COL14A1: variants seen among roughly 807,000 people sequenced by gnomAD.
COL14A1 encodes collagen type XIV alpha 1 chain.
A neutral mutation model predicts 230.3 loss-of-function variants in COL14A1; 136 were observed. That is an observed-to-expected ratio of 0.59 (90% CI 0.51 to 0.68). The LOEUF (loss-of-function observed/expected upper bound fraction) is 0.68, where lower values mean the gene tolerates loss of function less well. COL14A1 is among the 30% of genes least tolerant of loss of function. The pLI, the probability that COL14A1 is intolerant of heterozygous loss-of-function variation, is 0.00. For missense variants in COL14A1, 1,976 were observed against 2,215.8 expected (o/e 0.89, Z 2.17); for synonymous variants, 792 against 784.1 (o/e 1.01, Z -0.17).
At chr8:120,319,343 T>A (rs767536031) in intron 40 of COL14A1, among the ~76,000 whole-genome samples, 1 of 151,868 alleles carries the variant, frequency 6.6e-6, no homozygotes, top group Non-Finnish European at 1.5e-5. Flanking sequence ...TTTATTTATT[T>A]ATTTATTTTT....
intron 13 of COL14A1, among the ~76,000 whole-genome samples, chr8:120,214,550 C>T (rs1040579600): frequency 6.6e-6 from 1 of 152,100 alleles, no homozygotes; most frequent in African/African-American, 2.4e-5. Context: ...ATGCCAATAC[C>T]TCTTTAAATA....
chr8:120,229,469 C>T (rs575827338), intron 18 of COL14A1, among the ~76,000 whole-genome samples: 5 of 152,130 alleles, frequency 3.3e-5, no homozygotes, highest in Admixed American at 3.3e-4. Context: ...GCATAGTATT[C>T]CATGGTGTAT....
chr8:120,268,119 CT>C (rs564245015), intron 25 of COL14A1, among the ~76,000 whole-genome samples: 318 of 151,906 alleles, frequency 2.1e-3, no homozygotes, highest in African/African-American at 7.0e-3. Context: ...CATGCAGAGT[CT>C]TCACAAATCA....
intron 45 of COL14A1, among the ~76,000 whole-genome samples, chr8:120,357,862 T>G (rs1823040304): frequency 6.6e-6 from 1 of 152,202 alleles, no homozygotes; most frequent in Non-Finnish European, 1.5e-5. Context: ...TGTGGGCACC[T>G]TTAAAAACAG....
rs192177190 is a variant in COL14A1 at position 120,354,480 on chromosome 8, A to G, written c.5077+8917A>G. 3.2e-3 allele frequency among the ~76,000 whole-genome samples: 486 copies of G among 151,766 alleles called. 2 individuals carry two copies. Among genetic ancestry groups the G allele is most frequent in the African/African-American group, 0.011 (467 of 41,362 alleles). Reference sequence around the variant, plus strand: ...GTCAGAGAAATGGCAAAGAATATGCATTTTTAGAGAGCAGAAGAAAAATTA... The same window carrying G: ...GTCAGAGAAATGGCAAAGAATATGCGTTTTTAGAGAGCAGAAGAAAAATTA... On this transcript the variant is annotated intron_variant, in intron 45 of 47. Transcript: ENST00000297848.
chr8:120,279,893 A>G, intron 28 of COL14A1, 42 bp from the exon 29 acceptor site: 1 of 1,599,110 alleles, frequency 6.3e-7, no homozygotes, highest in South Asian at 1.1e-5. Context: ...TGTGTTTTGT[A>G]CAATTTAAAG....
chr8:120,163,869 C>T (rs771827684), intron 4 of COL14A1, among the ~76,000 whole-genome samples: 1 of 151,914 alleles, frequency 6.6e-6, no homozygotes, highest in Non-Finnish European at 1.5e-5. Context: ...AACAAATGTA[C>T]GCCACATGCC....
chr8:120,157,438 CAGTAG>C (rs887241975), intron 2 of COL14A1, among the ~76,000 whole-genome samples: 10 of 152,086 alleles, frequency 6.6e-5, no homozygotes, highest in African/African-American at 1.4e-4. Flanking sequence ...CAACAGGTCT[CAGTAG>C]AGTAGATTAT....
chr8:120,144,667 G>A (rs867118098), intron 1 of COL14A1, among the ~76,000 whole-genome samples: 8 of 152,036 alleles, frequency 5.3e-5, no homozygotes, highest in Middle Eastern at 6.8e-3. Context: ...AAAACACGTC[G>A]ATTGCAAACA....
At chr8:120,147,249 C>A (rs1214011446) in intron 1 of COL14A1, among the ~76,000 whole-genome samples, 1 of 151,794 alleles carries the variant, frequency 6.6e-6, no homozygotes. Flanking sequence ...GTTTTAGATT[C>A]ACTTATATTA....
chr8:120,144,769 A>C (rs1815031504), intron 1 of COL14A1, among the ~76,000 whole-genome samples: 1 of 152,162 alleles, frequency 6.6e-6, no homozygotes, highest in Non-Finnish European at 1.5e-5. Flanking sequence ...TAATATATAA[A>C]ATCAATATCT....
intron 36 of COL14A1, among the ~76,000 whole-genome samples, chr8:120,303,820 C>T (rs1316514769): frequency 6.6e-6 from 1 of 152,098 alleles, no homozygotes; most frequent in Non-Finnish European, 1.5e-5. Context: ...ATGTTACCAG[C>T]TCTTCTTTGT....
intron 23 of COL14A1, among the ~76,000 whole-genome samples, chr8:120,255,579 A>G (rs1819119623): frequency 6.6e-6 from 1 of 152,192 alleles, no homozygotes. Flanking sequence ...GAGTATAGCC[A>G]TAGTGCTGAT....
intron 14 of COL14A1, among the ~76,000 whole-genome samples, chr8:120,219,189 T>C (rs1817854091): frequency 6.6e-6 from 1 of 152,108 alleles, no homozygotes; most frequent in Non-Finnish European, 1.5e-5. Flanking sequence ...TGATCGTGGC[T>C]CACTGCATCC....
At chr8:120,128,278 A>AT (rs1459588165) in intron 1 of COL14A1, among the ~76,000 whole-genome samples, 1 of 150,724 alleles carries the variant, frequency 6.6e-6, no homozygotes, top group Non-Finnish European at 1.5e-5. Context: ...ATGTTGGCAT[A>AT]TTTTTTGAGT....
chr8:120,193,754 T>C (rs545191379), intron 5 of COL14A1, among the ~76,000 whole-genome samples: 2 of 152,324 alleles, frequency 1.3e-5, no homozygotes, highest in Admixed American at 6.5e-5. Context: ...TGGGCAATGG[T>C]GGGTGCCCCT....
rs749457790 is a variant in COL14A1 at position 120,332,717 on chromosome 8, A to C, written c.4767A>C (p.Gln1589His). 6.2e-7 allele frequency: 1 copy of C among 1,613,120 alleles called. No homozygotes were observed. ...VPGITGSMGP[Q>H]GALGPPGVPG... ...GGATCACAGGAAGCATGGGACCGCA[A>C]GGCGCCCTGGGACCACCTGTGAGTA... The change falls in exon 42 of 48, where the codon CAA becomes CAC. Residue 1589 changes from glutamine (Q) to histidine (H), a missense_variant. This residue lies in a region of COL14A1 where 1,791 missense variants were observed against 2,019.5 expected (regional missense o/e 0.89). Coordinates refer to ENST00000297848, the MANE Select transcript of COL14A1 (RefSeq NM_021110.4).
intron 1 of COL14A1, among the ~76,000 whole-genome samples, chr8:120,132,844 C>T (rs1306289904): frequency 6.6e-6 from 1 of 152,102 alleles, no homozygotes; most frequent in Non-Finnish European, 1.5e-5. Flanking sequence ...AAAGTAACCT[C>T]TCCAAGAGTA....
At position 120,316,017 on chromosome 8, in the gene COL14A1, T is replaced by C. The variant is rs772980837; in HGVS notation, c.4659+20T>C. 2 of 1,613,838 alleles carry C rather than the reference T, an allele frequency of 1.2e-6. No homozygotes were observed. The highest frequency in any genetic ancestry group is 3.3e-5 in the Admixed American group (2 of 59,986). On this transcript the variant is annotated intron_variant, in intron 40 of 47. Transcript: ENST00000297848. ...CAGAGGGTAAGGTCTTGCCCAAGGT[T>C]GGTTTTTAGCAAAGTAGTGACCTTT... is the stretch of plus-strand genomic sequence containing the variant.
Sources: allele counts gnomAD v4.1 joint callset (sites outside exome capture counted in the v4.1 genomes callset), GRCh38; gene constraint gnomAD v4.1.1; regional missense constraint gnomAD v4.1.1; transcripts MANE v1.5; gene names NCBI Gene and HGNC (gene_info 2026-07-23, HGNC 2026-07-21).